CDK19: variants seen among roughly 807,000 people sequenced by gnomAD.
The protein encoded by CDK19 is cyclin-dependent kinase 19.
A neutral mutation model predicts 68.3 loss-of-function variants in CDK19; 20 were observed. That is an observed-to-expected ratio of 0.29 (90% confidence interval 0.21 to 0.43). CDK19 has a LOEUF of 0.43. Ranked by LOEUF, CDK19 falls within the 20% of genes least tolerant of loss-of-function variation. CDK19 has a pLI of 1.00. For missense variants in CDK19, 339 were observed against 623.5 expected, an observed-to-expected ratio of 0.54 and a Z score of 4.86; for synonymous variants, 221 against 222.8, an observed-to-expected ratio of 0.99 and a Z score of 0.07.
intron 1 of CDK19, among the ~76,000 whole-genome samples, chr6:110,748,447 A>C (rs1778226443): frequency 6.6e-6 from 1 of 152,264 alleles, no homozygotes; most frequent in South Asian, 2.1e-4. Context: ...TGCTAAAATA[A>C]AATACTAAAA....
chr6:110,624,893 A>C (rs1365879830), intron 8 of CDK19, among the ~76,000 whole-genome samples: 1 of 152,216 alleles, frequency 6.6e-6, no homozygotes, highest in Non-Finnish European at 1.5e-5. Flanking sequence ...CAAGTTAGTT[A>C]ACCTCTAAGA....
At chr6:110,679,538 G>A (rs1234867819) in intron 2 of CDK19, among the ~76,000 whole-genome samples, 1 of 152,074 alleles carries the variant, frequency 6.6e-6, no homozygotes, top group Non-Finnish European at 1.5e-5. Context: ...CTTGAACCTG[G>A]GAGGCGGAGG....
intron 2 of CDK19, among the ~76,000 whole-genome samples, chr6:110,718,400 G>A (rs1003403148): frequency 2.6e-5 from 4 of 152,074 alleles, no homozygotes; most frequent in African/African-American, 9.7e-5. Flanking sequence ...TACTATGTCA[G>A]TGAAAACAAG....
intron 1 of CDK19, among the ~76,000 whole-genome samples, chr6:110,778,756 C>G (rs1414762882): frequency 6.6e-6 from 1 of 152,156 alleles, no homozygotes; most frequent in Non-Finnish European, 1.5e-5. Flanking sequence ...CCCAGCCTTC[C>G]TCGCTGCTAC....
intron 2 of CDK19, among the ~76,000 whole-genome samples, chr6:110,692,681 T>C (rs1022042975): frequency 6.6e-6 from 1 of 152,154 alleles, no homozygotes; most frequent in Non-Finnish European, 1.5e-5. Context: ...TAAAGGCATA[T>C]AGTCGGTCAA....
chr6:110,688,236 A>C (rs1772661722), intron 2 of CDK19, among the ~76,000 whole-genome samples: 1 of 152,076 alleles, frequency 6.6e-6, no homozygotes, highest in Non-Finnish European at 1.5e-5. Flanking sequence ...AAATAAAAAA[A>C]TTAGCCAGGC....
intron 2 of CDK19, among the ~76,000 whole-genome samples, chr6:110,705,469 CAT>C (rs1382003059): frequency 6.6e-6 from 1 of 152,034 alleles, no homozygotes; most frequent in Non-Finnish European, 1.5e-5. Flanking sequence ...ACTTGGGAGT[CAT>C]AAACATAGAG....
At chr6:110,759,408 A>T (rs1292744491) in intron 1 of CDK19, among the ~76,000 whole-genome samples, 13 of 68,784 alleles carry the variant, frequency 1.9e-4, no homozygotes, top group African/African-American at 8.6e-4. Context: ...CCGTCTTAAA[A>T]AAAAAAAAAA....
At chr6:110,788,759 T>G (rs945625159) in intron 1 of CDK19, among the ~76,000 whole-genome samples, 8 of 152,226 alleles carry the variant, frequency 5.3e-5, no homozygotes, top group Non-Finnish European at 1.0e-4. Context: ...TTTTTTTTTA[T>G]GATCCTTATG....
intron 2 of CDK19, among the ~76,000 whole-genome samples, chr6:110,737,000 C>G (rs141786498): frequency 7.7e-4 from 117 of 152,246 alleles, no homozygotes; most frequent in Middle Eastern, 3.4e-3. Context: ...TAAAATAACT[C>G]TACTGATGTA....
chr6:110,673,911 T>C (rs1016425228), intron 2 of CDK19, among the ~76,000 whole-genome samples: 3 of 152,112 alleles, frequency 2.0e-5, no homozygotes, highest in Admixed American at 2.0e-4. Flanking sequence ...CTCCTTTCCA[T>C]ATGTCATACA....
At position 110,622,924 on chromosome 6, in the gene CDK19, C is replaced by G; in HGVS notation, c.934-12G>C. 1 of 1,525,618 alleles carries G rather than the reference C, an allele frequency of 6.6e-7. No individual in the cohort carries two copies. 94.5% of individuals were successfully genotyped at this position (1,525,618 alleles called of 1,614,324 possible). On this transcript the variant is annotated splice_polypyrimidine_tract_variant and intron_variant, in intron 9 of 12. Coordinates refer to ENST00000368911, the MANE Select transcript of CDK19 (RefSeq NM_015076.5). ...AGGAGTTTCTGAAGCTAGAGTGACA[C>G]ACAGGAAATGTACAGCACATGAAAA... is the stretch of plus-strand genomic sequence containing the variant.
chr6:110,675,627 C>CAAAA (rs57966061), intron 2 of CDK19, among the ~76,000 whole-genome samples: 35 of 56,482 alleles, frequency 6.2e-4, no homozygotes, highest in South Asian at 2.2e-3. Flanking sequence ...GACTCCATCT[C>CAAAA]AAAAAAAAAA....
intron 2 of CDK19, among the ~76,000 whole-genome samples, chr6:110,672,822 A>T (rs1479621001): frequency 3.3e-5 from 5 of 152,192 alleles, no homozygotes; most frequent in African/African-American, 1.2e-4. Context: ...TAAAAGAAAA[A>T]TTTTTTTAAA....
chr6:110,812,226 T>C lies in CDK19; in HGVS notation c.128+2783A>G, dbSNP rs533993894. 1.1e-4 allele frequency among the ~76,000 whole-genome samples: 16 copies of C among 151,974 alleles called. No individual in the cohort carries two copies. The South Asian group carries it at 2.3e-3, about 22-fold the overall frequency. On this transcript the variant is annotated intron_variant, in intron 1 of 12. Transcript: ENST00000368911. ...AGCTCCACCTCCCGGGTTCACGCCA[T>C]TGTCCTGCCTCAGCCTCCCGAGCAG...
At chr6:110,706,849 T>TG (rs1197386871) in intron 2 of CDK19, 10 of 210,126 alleles carry the variant, frequency 4.8e-5, no homozygotes, top group Non-Finnish European at 1.0e-4. Flanking sequence ...CACATGTATG[T>TG]GGCCAAAGGA....
chr6:110,723,859 T>TGG (rs1776126504), intron 2 of CDK19, among the ~76,000 whole-genome samples: 1 of 152,194 alleles, frequency 6.6e-6, no homozygotes, highest in Non-Finnish European at 1.5e-5. Flanking sequence ...CTCGGCCTTT[T>TGG]GGCTAAGATC....
intron 8 of CDK19, among the ~76,000 whole-genome samples, chr6:110,625,323 A>AT (rs903595400): frequency 5.1e-4 from 76 of 148,254 alleles, no homozygotes; most frequent in Admixed American, 1.6e-3. Flanking sequence ...ATGCGTAATA[A>AT]TTTTTTTTTT....
At chr6:110,682,472 CT>C (rs1772101586) in intron 2 of CDK19, among the ~76,000 whole-genome samples, 1 of 152,138 alleles carries the variant, frequency 6.6e-6, no homozygotes, top group Admixed American at 6.6e-5. Context: ...TACGACAGGC[CT>C]TTTGGAAGCT....
Sources: allele counts gnomAD v4.1 joint callset (sites outside exome capture counted in the v4.1 genomes callset), GRCh38; gene constraint gnomAD v4.1.1; transcripts MANE v1.5; gene names NCBI Gene and HGNC (gene_info 2026-07-23, HGNC 2026-07-21).